RADIL: variants seen among roughly 807,000 people sequenced by gnomAD.
RADIL encodes Rap associating with DIL domain.
A neutral mutation model predicts 97.6 loss-of-function variants in RADIL; 99 were observed. The ratio of observed to expected loss-of-function variants is 1.01; its 90% CI spans 0.86 to 1.20. The LOEUF (loss-of-function observed/expected upper bound fraction) is 1.20, where lower values mean the gene tolerates loss of function less well. Ranked by LOEUF, RADIL falls within the 50% of genes most tolerant of loss-of-function variation. The pLI, the probability that RADIL is intolerant of heterozygous loss-of-function variation, is 0.00. For synonymous variants in RADIL, 803 were observed against 691.8 expected (o/e 1.16, Z -2.52); for missense variants, 1,765 against 1,498.9 (o/e 1.18, Z -2.93).
At chr7:4,865,382 C>T in intron 2 of RADIL, 5 of 604,720 alleles carry the variant, frequency 8.3e-6, no homozygotes, top group Non-Finnish European at 1.5e-5. Context: ...GTTGTTGTTC[C>T]CAAGTTTTAT....
At chr7:4,858,056 C>T (rs11972290) in intron 2 of RADIL, 22,269 of 152,506 alleles carry the variant, frequency 0.15, 2,135 homozygotes, top group African/African-American at 0.27. Context: ...ATTCAAAATA[C>T]AGATATTGTG....
rs772660496 is a variant in RADIL at position 4,860,136 on chromosome 7, C to T, written c.535+17469G>A. Reference sequence around the variant, plus strand: ...ACAGATGCTGTCATTACAGCCAAGGCAGGACTGTTTCTACCCTGAGAACTG... The same window carrying T: ...ACAGATGCTGTCATTACAGCCAAGGTAGGACTGTTTCTACCCTGAGAACTG... On this transcript the variant is annotated intron_variant, in intron 2 of 14. Transcript: ENST00000399583. The T allele has an allele frequency of 1.9e-6, 3 of 1,614,020 alleles. No individual in the cohort carries two copies. The South Asian group carries it at 3.3e-5, about 18-fold the overall frequency.
chr7:4,807,744 C>T (rs578194660), intron 9 of RADIL, among the ~76,000 whole-genome samples: 2 of 74,556 alleles, frequency 2.7e-5, no homozygotes. Context: ...TCTCTGCCCT[C>T]CCTCCTCCCT....
At chr7:4,865,758 ATT>A in intron 2 of RADIL, 2 of 1,044,680 alleles carry the variant, frequency 1.9e-6, no homozygotes, top group Non-Finnish European at 3.0e-6. Context: ...GAACCTGCTT[ATT>A]TTTTTTGCCC....
Position 4,824,702 on chromosome 7 carries a change from G to A in RADIL, c.1455-2148C>T, listed in dbSNP as rs937066868. On this transcript the variant is annotated intron_variant, in intron 5 of 14. Transcript: ENST00000399583. The surrounding 1 kb of genome is among the most constrained non-coding windows in gnomAD (Gnocchi z 6.7). ...AAGCAGGTCCGCTGCCTGCTCATGTGTCTGGCACAGCTCAAAGTCCTGCTC... is the reference window on the plus strand; with the variant it reads ...AAGCAGGTCCGCTGCCTGCTCATGTATCTGGCACAGCTCAAAGTCCTGCTC... Among the ~76,000 whole-genome samples, 1 of 152,224 alleles carries A rather than the reference G, an allele frequency of 6.6e-6. No homozygotes were observed. The highest frequency in any genetic ancestry group is 1.5e-5 in the Non-Finnish European group (1 of 68,042).
chr7:4,856,829 A>G (rs1412288774), intron 2 of RADIL, among the ~76,000 whole-genome samples: 1 of 152,240 alleles, frequency 6.6e-6, no homozygotes, highest in Non-Finnish European at 1.5e-5. Flanking sequence ...TTCATGGCAA[A>G]CAATGGCTGA....
chr7:4,831,063 T>C lies in RADIL; in HGVS notation c.1454+1078A>G, dbSNP rs149320368. Reference sequence around the variant, plus strand: ...AAAATCAGCTGGGCGTGGTGGTGCATGTCTGTAATCCCAGCTACTTAGAAG... The same window carrying C: ...AAAATCAGCTGGGCGTGGTGGTGCACGTCTGTAATCCCAGCTACTTAGAAG... On this transcript the variant is annotated intron_variant, in intron 5 of 14. Coordinates refer to ENST00000399583, the MANE Select transcript of RADIL (RefSeq NM_018059.5). Among the ~76,000 whole-genome samples the C allele has an allele frequency of 5.6e-3, 837 of 149,616 alleles. 5 individuals are homozygous for C. Among genetic ancestry groups the C allele is most frequent in the Non-Finnish European group, 9.1e-3 (614 of 67,606 alleles).
Position 4,813,744 on chromosome 7 carries a change from C to G in RADIL, c.2139+1534G>C, listed in dbSNP as rs1197880218. Reference sequence around the variant, plus strand: ...CCTTTCAACAGATGACTTTGTGTTTCTTTCCGGCTGTGCGGGCTGTCCTCA... The same window carrying G: ...CCTTTCAACAGATGACTTTGTGTTTGTTTCCGGCTGTGCGGGCTGTCCTCA... On this transcript the variant is annotated intron_variant, in intron 9 of 14. Transcript: ENST00000399583. The surrounding 1 kb of genome is among the most constrained non-coding windows in gnomAD (Gnocchi z 5.0). 6.6e-6 allele frequency among the ~76,000 whole-genome samples: 1 copy of G among 152,246 alleles called. No individual in the cohort carries two copies. The highest frequency in any genetic ancestry group is 1.5e-5 in the Non-Finnish European group (1 of 68,048).
At chr7:4,874,641 T>G (rs565795693) in intron 2 of RADIL, among the ~76,000 whole-genome samples, 3 of 152,220 alleles carry the variant, frequency 2.0e-5, no homozygotes, top group African/African-American at 7.2e-5. Context: ...TGTGTCAGTA[T>G]GGCTGGGCAG....
chr7:4,883,397 G>C lies in RADIL; in HGVS notation c.-65+199C>G, dbSNP rs973567640. On this transcript the variant is annotated intron_variant, in intron 1 of 14. Transcript: ENST00000399583. This position sits in a 1 kb window ranked among gnomAD's most constrained non-coding sequence, Gnocchi z 7.1. ...AGCCGGCCTCCGGGTACCGCCCCCC[G>C]GTCCAGGCCGGGGCCCGACAGCCAG... Among the ~76,000 whole-genome samples the C allele has an allele frequency of 6.6e-6, 1 of 152,016 alleles. No homozygotes were observed. The highest frequency in any genetic ancestry group is 1.5e-5 in the Non-Finnish European group (1 of 67,954).
In RADIL at chr7:4,822,499, G is replaced by C. The variant is rs956933645; in HGVS notation, c.1510C>G (p.Gln504Glu). The change falls in exon 6 of 15, where the codon CAG becomes GAG. Residue 504 changes from glutamine (Q) to glutamate (E), a missense_variant. Coordinates refer to ENST00000399583, the MANE Select transcript of RADIL (RefSeq NM_018059.5). The surrounding 1 kb of genome is among the most constrained non-coding windows in gnomAD (Gnocchi z 5.3). Reference sequence around the variant, plus strand: ...TTAGACATCCAGAAAAGAATGGGCTGCAAGTCTGGAACCAGATCAGCCATG... The same window carrying C: ...TTAGACATCCAGAAAAGAATGGGCTCCAAGTCTGGAACCAGATCAGCCATG... ...CAMADLVPDL[Q>E]PILFWMSNSI... 1.2e-6 allele frequency: 2 copies of C among 1,613,108 alleles called. No individual in the cohort carries two copies. The highest frequency in any genetic ancestry group is 1.3e-5 in the African/African-American group (1 of 75,074).
chr7:4,855,939 G>T (rs756781890), intron 2 of RADIL, among the ~76,000 whole-genome samples: 6 of 151,864 alleles, frequency 4.0e-5, no homozygotes, highest in Non-Finnish European at 7.4e-5. Flanking sequence ...AGGATTACAG[G>T]TGCGCATCAC....
At position 4,878,529 on chromosome 7, in the gene RADIL, G is replaced by C. The variant is rs1280630290; in HGVS notation, c.-64-326C>G. ...CCCTCCAGCCCGGGCAGCAGAGCAA[G>C]ACCCCATCTCAAAATCTAATGGACA... On this transcript the variant is annotated intron_variant, in intron 1 of 14. Transcript: ENST00000399583. The surrounding 1 kb of genome is among the most constrained non-coding windows in gnomAD (Gnocchi z 4.1). Among the ~76,000 whole-genome samples the C allele has an allele frequency of 6.6e-6, 1 of 152,202 alleles. No individual in the cohort carries two copies. Among genetic ancestry groups the C allele is most frequent in the Admixed American group, 6.5e-5 (1 of 15,274 alleles).
chr7:4,864,016 T>C (rs1784080249), intron 2 of RADIL, among the ~76,000 whole-genome samples: 1 of 152,360 alleles, frequency 6.6e-6, no homozygotes, highest in Non-Finnish European at 1.5e-5. Flanking sequence ...AAATGATTTC[T>C]TATATTTATC....
chr7:4,853,206 C>T (rs1022036350), intron 2 of RADIL, among the ~76,000 whole-genome samples: 1 of 152,092 alleles, frequency 6.6e-6, no homozygotes, highest in African/African-American at 2.4e-5. Flanking sequence ...TTGCATAACC[C>T]GCCCTCCAAC....
rs1783658779 is a variant in RADIL at position 4,849,552 on chromosome 7, T to C, written c.536-12947A>G. 6.6e-6 allele frequency among the ~76,000 whole-genome samples: 1 copy of C among 152,164 alleles called. No homozygotes were observed. ...GGGGCAAGGTTCTGAAACATTTCAGTTCATTCAGGACCATCCAAGGCATGA... is the reference window on the plus strand; with the variant it reads ...GGGGCAAGGTTCTGAAACATTTCAGCTCATTCAGGACCATCCAAGGCATGA... On this transcript the variant is annotated intron_variant, in intron 2 of 14. Transcript: ENST00000399583. The surrounding 1 kb of genome is among the most constrained non-coding windows in gnomAD (Gnocchi z 5.4).
intron 2 of RADIL, chr7:4,861,698 A>C (rs1204721569): frequency 6.3e-7 from 1 of 1,578,196 alleles, no homozygotes; most frequent in Admixed American, 1.9e-5. Context: ...CTGGGTGAGG[A>C]GGCAGTCCGT....
At chr7:4,830,570 G>T (rs911594161) in intron 5 of RADIL, among the ~76,000 whole-genome samples, 7 of 152,196 alleles carry the variant, frequency 4.6e-5, no homozygotes, top group African/African-American at 1.7e-4. Flanking sequence ...AGAGGGCCTC[G>T]TGCAGCCATA....
Position 4,818,085 on chromosome 7 carries a change from G to A in RADIL, c.1616-734C>T, listed in dbSNP as rs755573317. Among the ~76,000 whole-genome samples the A allele has an allele frequency of 7.9e-5, 12 of 152,220 alleles. No individual in the cohort carries two copies. Among genetic ancestry groups the A allele is most frequent in the Non-Finnish European group, 1.2e-4 (8 of 68,024 alleles). ...TTCATTCTCTCCTGGGACTGTGGGC[G>A]GCCAACCACAGTGGTGTTCCCTGTC... On this transcript the variant is annotated intron_variant, in intron 6 of 14. Transcript: ENST00000399583. The surrounding 1 kb of genome is among the most constrained non-coding windows in gnomAD (Gnocchi z 7.1).
Sources: allele counts gnomAD v4.1 joint callset (sites outside exome capture counted in the v4.1 genomes callset), GRCh38; gene constraint gnomAD v4.1.1; non-coding constraint Gnocchi (gnomAD v3.1); transcripts MANE v1.5; gene names NCBI Gene and HGNC (gene_info 2026-07-23, HGNC 2026-07-21).